The following SORBS2 variants were observed in gnomAD, a reference collection of about 807,000 sequenced individuals.
The protein encoded by SORBS2 is sorbin and SH3 domain-containing protein 2.
A neutral mutation model predicts 97.7 loss-of-function variants in SORBS2; 46 were observed. That is an observed-to-expected ratio of 0.47 (90% CI 0.37 to 0.60). The LOEUF is 0.60. SORBS2 is among the 20% of genes least tolerant of loss of function. SORBS2 has a pLI of 0.00. For synonymous variants in SORBS2, 476 were observed against 473.4 expected (o/e 1.01, Z -0.07); for missense variants, 1,316 against 1,282.3 (o/e 1.03, Z -0.40).
At chr4:185,950,245 T>C (rs1454611642) in intron 1 of SORBS2, among the ~76,000 whole-genome samples, 1 of 42,714 alleles carries the variant, frequency 2.3e-5, no homozygotes, top group Non-Finnish European at 4.8e-5. Context: ...AGCAAGACTG[T>C]CTCAAAAAAA....
intron 2 of SORBS2, among the ~76,000 whole-genome samples, chr4:185,694,410 C>T (rs1272072106): frequency 6.6e-5 from 10 of 152,182 alleles, no homozygotes; most frequent in Admixed American, 5.2e-4. Context: ...AGACAATCCA[C>T]GGAGCAAAGA....
At chr4:185,677,408 G>A in intron 4 of SORBS2, 3 of 1,552,254 alleles carry the variant, frequency 1.9e-6, no homozygotes, top group Non-Finnish European at 2.6e-6. Flanking sequence ...GTGGATTAGT[G>A]ATTTTTTGTG....
intron 4 of SORBS2, among the ~76,000 whole-genome samples, chr4:185,637,480 G>C (rs939572025): frequency 6.6e-6 from 1 of 152,238 alleles, no homozygotes; most frequent in African/African-American, 2.4e-5. Context: ...GTATTTTGTA[G>C]TGGGATTACT....
intron 1 of SORBS2, among the ~76,000 whole-genome samples, chr4:185,880,466 G>C (rs958126264): frequency 3.3e-5 from 5 of 152,128 alleles, no homozygotes; most frequent in Non-Finnish European, 5.9e-5. Context: ...AAATGTAAAA[G>C]AAATAAAGTA....
At chr4:185,691,901 C>T (rs916996596) in intron 2 of SORBS2, among the ~76,000 whole-genome samples, 2 of 152,164 alleles carry the variant, frequency 1.3e-5, no homozygotes, top group South Asian at 2.1e-4. Flanking sequence ...CCCGCCACCA[C>T]GCTCGGATAA....
chr4:185,844,915 A>G (rs973075042), intron 1 of SORBS2, among the ~76,000 whole-genome samples: 1 of 152,196 alleles, frequency 6.6e-6, no homozygotes, highest in African/African-American at 2.4e-5. Context: ...AGGCAAATCC[A>G]TACAGGCAGG....
chr4:185,655,826 G>A (rs954820007), intron 1 of SORBS2, among the ~76,000 whole-genome samples: 4 of 152,096 alleles, frequency 2.6e-5, no homozygotes, highest in African/African-American at 7.2e-5. Flanking sequence ...AAGAAAACAT[G>A]GACCAGGCTT....
intron 1 of SORBS2, among the ~76,000 whole-genome samples, chr4:185,926,282 G>A (rs1486755863): frequency 1.3e-5 from 2 of 152,260 alleles, no homozygotes; most frequent in Non-Finnish European, 1.5e-5. Context: ...CAGGCAAGAA[G>A]GCATGGTCTC....
At chr4:185,678,504 T>A in exon 4 of SORBS2, 1 of 1,550,196 alleles carries the variant, frequency 6.5e-7, no homozygotes, top group South Asian at 1.2e-5. Flanking sequence ...ATGTAGCATC[T>A]CCGTTCAGTG....
chr4:185,868,155 C>CTTTTT lies in SORBS2; in HGVS notation c.-338+88040_-338+88041insAAAAA, dbSNP rs1431293135. Among the ~76,000 whole-genome samples, 22 of 100,728 alleles carry CTTTTT rather than the reference C, an allele frequency of 2.2e-4. 1 individual carries two copies. The highest frequency in any genetic ancestry group is 3.1e-4 in the South Asian group (1 of 3,202). 66.1% of individuals were successfully genotyped at this position (100,728 alleles called of 152,430 possible). A position where few individuals can be genotyped will look rare whatever the true frequency, so the allele number is the denominator to read the frequency against. On this transcript the variant is annotated intron_variant, in intron 1 of 20. Transcript: ENST00000284776. ...CCTTTCTCTTTTCTTTTCTTTTTTT[C>CTTTTT]TTTCTTTTTTTTTTTTTTTGAGGCA...
At chr4:185,646,809 T>A in intron 3 of SORBS2, 27 bp from the exon 13 acceptor site, 1 of 1,267,934 alleles carries the variant, frequency 7.9e-7, no homozygotes, top group Non-Finnish European at 1.2e-6. Context: ...AATCACACAT[T>A]AAAATAATCC....
At chr4:185,667,927 G>A (rs2097645137) in intron 4 of SORBS2, among the ~76,000 whole-genome samples, 1 of 151,998 alleles carries the variant, frequency 6.6e-6, no homozygotes, top group African/African-American at 2.4e-5. Context: ...CTATAAGTCT[G>A]AATGTAATTC....
chr4:185,922,326 C>G (rs901555442), intron 1 of SORBS2, among the ~76,000 whole-genome samples: 1 of 152,296 alleles, frequency 6.6e-6, no homozygotes, highest in South Asian at 2.1e-4. Flanking sequence ...AGAATGATTT[C>G]TAGTGCACTA....
chr4:185,850,561 TGC>T (rs1483842159), intron 1 of SORBS2, among the ~76,000 whole-genome samples: 1 of 152,190 alleles, frequency 6.6e-6, no homozygotes, highest in African/African-American at 2.4e-5. Flanking sequence ...GATTTGTGAG[TGC>T]TATTAAAAAC....
At chr4:185,656,807 C>A in exon 1 of SORBS2, 1 of 1,400,842 alleles carries the variant, frequency 7.1e-7, no homozygotes, top group Non-Finnish European at 9.2e-7. Context: ...AGTTTTAAAA[C>A]TTAAAAAAAA....
At chr4:185,599,520 AG>A (rs1322113447) in intron 12 of SORBS2, among the ~76,000 whole-genome samples, 2 of 152,202 alleles carry the variant, frequency 1.3e-5, no homozygotes, top group East Asian at 3.9e-4. Flanking sequence ...ACATCACCAG[AG>A]AAACAGAAGA....
At chr4:185,827,988 T>C (rs112844613) in intron 1 of SORBS2, among the ~76,000 whole-genome samples, 851 of 22,976 alleles carry the variant, frequency 0.037, 25 homozygotes, top group African/African-American at 0.1. Flanking sequence ...ACCATCATCA[T>C]CATCATCACC....
intron 1 of SORBS2, among the ~76,000 whole-genome samples, chr4:185,850,523 T>C (rs2099217248): frequency 6.6e-6 from 1 of 152,176 alleles, no homozygotes. Context: ...TCTGTTCTCC[T>C]ACATCAAAAT....
At chr4:185,943,770 T>A (rs1283012751) in intron 1 of SORBS2, among the ~76,000 whole-genome samples, 2 of 152,254 alleles carry the variant, frequency 1.3e-5, no homozygotes, top group African/African-American at 4.8e-5. Context: ...ATTAATTTTC[T>A]TAGTTGTATT....
Sources: gnomAD v4.1 joint callset for allele counts (sites outside exome capture counted in the v4.1 genomes callset) on GRCh38, gnomAD v4.1.1 for gene constraint, MANE v1.5 for transcripts, NCBI Gene and HGNC (gene_info 2026-07-23, HGNC 2026-07-21) for gene names.